The following ABLIM1 variants were observed in gnomAD, a reference collection of about 807,000 sequenced individuals.
ABLIM1 encodes the protein actin-binding LIM protein 1.
In ABLIM1, 40 loss-of-function variants were observed where a neutral mutation model predicts 107.0. The ratio of observed to expected loss-of-function variants is 0.37; its 90% CI spans 0.29 to 0.49. ABLIM1 has a LOEUF of 0.49. Among genes scored for constraint, ABLIM1 ranks in the 20% least tolerant of loss-of-function variants. ABLIM1 has a pLI of 0.97. For synonymous variants in ABLIM1, 357 were observed against 357.3 expected, an observed-to-expected ratio of 1.00 and a Z score of 0.01; for missense variants, 857 against 1,008.5, an observed-to-expected ratio of 0.85 and a Z score of 2.04.
intron 10 of ABLIM1, among the ~76,000 whole-genome samples, chr10:114,469,772 G>A (rs1361623587): frequency 1.3e-5 from 2 of 152,210 alleles, no homozygotes; most frequent in East Asian, 3.8e-4. Context: ...GGACACAGTA[G>A]TTGCTCAAGT....
chr10:114,786,155 T>G, the ABLIM1 span, among the ~76,000 whole-genome samples: 1 of 152,050 alleles, frequency 6.6e-6, no homozygotes, highest in Non-Finnish European at 1.5e-5. Context: ...AAAAGTAAAT[T>G]ATTTGCAGAT....
intron 2 of ABLIM1, among the ~76,000 whole-genome samples, chr10:114,588,396 T>C (rs1249158105): frequency 6.6e-6 from 1 of 151,792 alleles, no homozygotes; most frequent in African/African-American, 2.4e-5. Context: ...GGGAATTTCC[T>C]AGGCCACAAA....
At chr10:114,556,325 T>C (rs541638369) in intron 4 of ABLIM1, among the ~76,000 whole-genome samples, 20 of 152,328 alleles carry the variant, frequency 1.3e-4, no homozygotes, top group Admixed American at 3.9e-4. Context: ...GCCTTCAGCA[T>C]GTTAGCTCAG....
At chr10:114,713,809 A>G (rs2081603831) in intron 1 of ABLIM1, among the ~76,000 whole-genome samples, 1 of 152,218 alleles carries the variant, frequency 6.6e-6, no homozygotes, top group Non-Finnish European at 1.5e-5. Context: ...AATGCAAACA[A>G]TAGTAAGAGC....
At chr10:114,445,532 C>A (rs2060883596) in intron 15 of ABLIM1, 129 bp from the exon 16 acceptor site, 1 of 774,072 alleles carries the variant, frequency 1.3e-6, no homozygotes, top group East Asian at 2.5e-5. Context: ...TTTAAGTAAA[C>A]AATACAAGAG....
chr10:114,472,995 C>T lies in ABLIM1; in HGVS notation c.1257G>A (p.Glu419=). 1 of 1,604,774 alleles carries T rather than the reference C, an allele frequency of 6.2e-7. No homozygotes were observed. The highest frequency in any genetic ancestry group is 1.1e-5 in the South Asian group (1 of 89,360). The change falls in exon 10 of 23, where the codon GAG becomes GAA. Residue 419 remains glutamate (E), a synonymous_variant. Transcript: ENST00000533213. ...GTATTACCTCTCCAAGGCTCTGTCT[C>T]TCCTGTTTGTCATCATAGCCCGAAG... ...FYTSGYDDKQ[E]RQSLGESPRT... is the part of the protein sequence containing the mutation.
chr10:114,620,066 T>C (rs1260765985), intron 1 of ABLIM1, among the ~76,000 whole-genome samples: 1 of 152,200 alleles, frequency 6.6e-6, no homozygotes, highest in Non-Finnish European at 1.5e-5. Context: ...AAGTACCTTA[T>C]TCTGTTTCAT....
the ABLIM1 span, among the ~76,000 whole-genome samples, chr10:114,783,586 G>A: frequency 3.3e-5 from 5 of 152,106 alleles, 1 homozygote; most frequent in South Asian, 4.1e-4. Context: ...GTAACGGTGG[G>A]ATAGGGGAGT....
intron 6 of ABLIM1, among the ~76,000 whole-genome samples, chr10:114,492,471 A>C (rs1437350582): frequency 6.6e-6 from 1 of 152,216 alleles, no homozygotes; most frequent in Non-Finnish European, 1.5e-5. Context: ...CATTTTACTA[A>C]GGTGGCTGTG....
At chr10:114,632,884 G>T in intron 1 of ABLIM1, 1 of 671,640 alleles carries the variant, frequency 1.5e-6, no homozygotes, top group Non-Finnish European at 1.8e-6. Context: ...CCCCACAGCA[G>T]CAACTCCTCA....
chr10:114,572,006 T>C (rs951863104), intron 3 of ABLIM1, among the ~76,000 whole-genome samples: 4 of 152,254 alleles, frequency 2.6e-5, no homozygotes, highest in African/African-American at 9.6e-5. Context: ...TCATATTAGC[T>C]TCTTTTCAGA....
the ABLIM1 span, among the ~76,000 whole-genome samples, chr10:114,775,582 G>A: frequency 1.3e-5 from 2 of 152,010 alleles, no homozygotes; most frequent in Non-Finnish European, 2.9e-5. Flanking sequence ...TGAATCTATG[G>A]GATTATTGAA....
At chr10:114,781,148 G>C in the ABLIM1 span, among the ~76,000 whole-genome samples, 2 of 152,104 alleles carry the variant, frequency 1.3e-5, no homozygotes, top group African/African-American at 4.8e-5. Context: ...GTTGTGTATT[G>C]TTTGTGTGTA....
chr10:114,640,938 T>A (rs181181764), intron 1 of ABLIM1, among the ~76,000 whole-genome samples: 116 of 152,214 alleles, frequency 7.6e-4, no homozygotes, highest in African/African-American at 2.2e-3. Context: ...AAATTATGTA[T>A]CCTGTGTTGG....
intron 1 of ABLIM1, among the ~76,000 whole-genome samples, chr10:114,754,882 G>C (rs1353575817): frequency 1.3e-5 from 2 of 152,108 alleles, no homozygotes. Context: ...AAGTTTCCAG[G>C]AGCAGAGCAC....
At chr10:114,462,753 A>G (rs1461571122) in intron 12 of ABLIM1, among the ~76,000 whole-genome samples, 1 of 126,510 alleles carries the variant, frequency 7.9e-6, no homozygotes, top group Non-Finnish European at 1.7e-5. Context: ...AAACAAAATA[A>G]TAATATATAT....
chr10:114,732,974 T>A (rs2082106605), intron 1 of ABLIM1, among the ~76,000 whole-genome samples: 1 of 152,352 alleles, frequency 6.6e-6, no homozygotes, highest in Non-Finnish European at 1.5e-5. Context: ...ATCTATATTA[T>A]TATGTCCATC....
intron 1 of ABLIM1, among the ~76,000 whole-genome samples, chr10:114,676,212 C>T (rs2141472161): frequency 6.6e-6 from 1 of 152,344 alleles, no homozygotes; most frequent in South Asian, 2.1e-4. Flanking sequence ...GGCGCGATGG[C>T]TCACGCCTCT....
At chr10:114,603,071 T>G (rs977204300) in intron 1 of ABLIM1, among the ~76,000 whole-genome samples, 6 of 152,164 alleles carry the variant, frequency 3.9e-5, no homozygotes, top group Admixed American at 3.9e-4. Flanking sequence ...AGGAATGACA[T>G]GAGCATTATA....
Sources: allele counts gnomAD v4.1 joint callset (sites outside exome capture counted in the v4.1 genomes callset), GRCh38; gene constraint gnomAD v4.1.1; transcripts MANE v1.5; gene names NCBI Gene and HGNC (gene_info 2026-07-23, HGNC 2026-07-21).